EDARADD: variants seen among roughly 807,000 people sequenced by gnomAD.
The protein encoded by EDARADD is EDAR associated via death domain.
EDARADD carries 20 observed loss-of-function variants against 25.6 expected under a neutral mutation model. The observed-to-expected ratio is 0.78, with a 90% CI of 0.55 to 1.14. The LOEUF is 1.14. EDARADD is among the 50% of genes most tolerant of loss of function. The pLI, the probability that EDARADD is intolerant of heterozygous loss-of-function variation, is 0.00. For synonymous variants in EDARADD, 86 were observed against 94.4 expected (o/e 0.91, Z 0.52); for missense variants, 225 against 270.1 (o/e 0.83, Z 1.17).
intron 3 of EDARADD, among the ~76,000 whole-genome samples, chr1:236,418,497 G>T (rs924483748): frequency 6.6e-6 from 1 of 151,894 alleles, no homozygotes; most frequent in Non-Finnish European, 1.5e-5. Context: ...CATCCACCTC[G>T]GCCTCCTAAA....
At chr1:236,370,448 G>C (rs1007349826) in intron 3 of EDARADD, among the ~76,000 whole-genome samples, 1 of 152,114 alleles carries the variant, frequency 6.6e-6, no homozygotes, top group Non-Finnish European at 1.5e-5. Context: ...AATTGCAGTA[G>C]AAAAAGAGTA....
chr1:236,365,704 T>TAC (rs111415090), intron 3 of EDARADD, among the ~76,000 whole-genome samples: 131,447 of 152,042 alleles, frequency 0.86, 56,894 homozygotes, highest in East Asian at 0.88. Flanking sequence ...TTCCTCCAAA[T>TAC]AGTTTTCAGT....
At chr1:236,399,652 C>A (rs941674833) in intron 1 of EDARADD, among the ~76,000 whole-genome samples, 6 of 152,214 alleles carry the variant, frequency 3.9e-5, no homozygotes, top group African/African-American at 1.4e-4. Context: ...CCAGATTTGT[C>A]TGTCAAATGT....
At chr1:236,475,217 CT>C (rs1659469343) in intron 5 of EDARADD, among the ~76,000 whole-genome samples, 1 of 152,106 alleles carries the variant, frequency 6.6e-6, no homozygotes. Flanking sequence ...AGAAAGATTT[CT>C]TTGGTCTGAA....
At chr1:236,430,170 A>C (rs1045807941) in intron 4 of EDARADD, among the ~76,000 whole-genome samples, 1 of 152,238 alleles carries the variant, frequency 6.6e-6, no homozygotes, top group Admixed American at 6.5e-5. Flanking sequence ...GGAATTTTCA[A>C]CCATTAATTG....
chr1:236,416,715 T>G (rs966118132), intron 3 of EDARADD, among the ~76,000 whole-genome samples: 1 of 152,224 alleles, frequency 6.6e-6, no homozygotes, highest in Non-Finnish European at 1.5e-5. Flanking sequence ...TCATTTTATA[T>G]GTAAATGAAC....
At chr1:236,411,534 T>C (rs1249678803) in intron 2 of EDARADD, among the ~76,000 whole-genome samples, 1 of 150,970 alleles carries the variant, frequency 6.6e-6, no homozygotes, top group Non-Finnish European at 1.5e-5. Context: ...TTCTTCTTCT[T>C]CCTCTTCTTC....
At chr1:236,400,720 A>ATTTTTTTTTT (rs55864840) in intron 1 of EDARADD, among the ~76,000 whole-genome samples, 8 of 121,164 alleles carry the variant, frequency 6.6e-5, no homozygotes, top group Admixed American at 9.0e-5. Context: ...ACACCCGGCT[A>ATTTTTTTTTT]TTTTTTTTTT....
intron 2 of EDARADD, among the ~76,000 whole-genome samples, chr1:236,412,070 G>A (rs1657506236): frequency 6.6e-6 from 1 of 152,162 alleles, no homozygotes; most frequent in African/African-American, 2.4e-5. Flanking sequence ...CATGGGAGAT[G>A]AGGTCCTCCA....
intron 4 of EDARADD, among the ~76,000 whole-genome samples, chr1:236,439,675 T>C (rs1202947872): frequency 6.6e-6 from 1 of 152,234 alleles, no homozygotes; most frequent in Non-Finnish European, 1.5e-5. Context: ...GTTAAGGGCT[T>C]TGGCTCATTT....
At chr1:236,468,355 G>A in intron 5 of EDARADD, 79 bp downstream of exon 5, 2 of 1,470,432 alleles carry the variant, frequency 1.4e-6, no homozygotes, top group South Asian at 2.3e-5. Context: ...CAGGGTCGGT[G>A]ACTCATGCCT....
At position 236,483,900 on chromosome 1, in the gene EDARADD, G is replaced by C. The variant is rs1281616093; in HGVS notation, c.*1251G>C. 7.3e-7 allele frequency: 1 copy of C among 1,372,710 alleles called. No individual in the cohort carries two copies. Among genetic ancestry groups the C allele is most frequent in the Non-Finnish European group, 1.0e-6 (1 of 962,522 alleles). 85.0% of individuals were successfully genotyped at this position (1,372,710 alleles called of 1,614,324 possible). Reference sequence around the variant, plus strand: ...TGATAAGGTGATCGTCAGCATGGACGTAGAGGCCTCCGAGTTCTTCAGGTC... The same window carrying C: ...TGATAAGGTGATCGTCAGCATGGACCTAGAGGCCTCCGAGTTCTTCAGGTC... On this transcript the variant is annotated 3_prime_UTR_variant, in exon 6 of 6. Transcript: ENST00000334232.
chr1:236,382,493 GT>G (rs1228925368), intron 3 of EDARADD, among the ~76,000 whole-genome samples: 1 of 152,258 alleles, frequency 6.6e-6, no homozygotes, highest in Non-Finnish European at 1.5e-5. Context: ...TGTAAGCTAT[GT>G]TTTTCTGCTT....
intron 3 of EDARADD, among the ~76,000 whole-genome samples, chr1:236,417,957 T>C (rs1261321229): frequency 1.9e-5 from 2 of 104,092 alleles, no homozygotes; most frequent in Admixed American, 9.2e-5. Context: ...TTCTTTTCTT[T>C]TTTTCTTTTT....
At chr1:236,470,895 A>G (rs1659341830) in intron 5 of EDARADD, among the ~76,000 whole-genome samples, 1 of 152,092 alleles carries the variant, frequency 6.6e-6, no homozygotes. Flanking sequence ...GATGCACACC[A>G]CCACACCCGG....
At chr1:236,354,221 C>G (rs921757633) in intron 3 of EDARADD, among the ~76,000 whole-genome samples, 2 of 152,258 alleles carry the variant, frequency 1.3e-5, no homozygotes, top group African/African-American at 4.8e-5. Flanking sequence ...AGGAAACAAA[C>G]CTTGGCTTGT....
intron 4 of EDARADD, among the ~76,000 whole-genome samples, chr1:236,443,224 G>A (rs868135955): frequency 3.3e-5 from 5 of 152,134 alleles, no homozygotes; most frequent in Admixed American, 2.0e-4. Flanking sequence ...AAGTTGCCAC[G>A]TTTCAGATAT....
At chr1:236,463,420 AGTAGCTGGGATTACAGG>A (rs1216422794) in intron 4 of EDARADD, among the ~76,000 whole-genome samples, 3 of 152,066 alleles carry the variant, frequency 2.0e-5, no homozygotes, top group African/African-American at 4.8e-5. Flanking sequence ...CAGCCTTCCG[AGTAGCTGGGATTACAGG>A]TGCACACCAC....
At chr1:236,470,032 A>G (rs531641641) in intron 5 of EDARADD, among the ~76,000 whole-genome samples, 1 of 152,076 alleles carries the variant, frequency 6.6e-6, no homozygotes, top group East Asian at 1.9e-4. Context: ...CCCTGAGCTC[A>G]AGCCTCCTCC....
Sources: gnomAD v4.1 joint callset for allele counts (sites outside exome capture counted in the v4.1 genomes callset) on GRCh38, gnomAD v4.1.1 for gene constraint, MANE v1.5 for transcripts, NCBI Gene and HGNC (gene_info 2026-07-23, HGNC 2026-07-21) for gene names.